Variants in RASGRP3 observed in about 807,000 individuals in gnomAD.
RASGRP3 encodes the protein ras guanyl-releasing protein 3.
Under a neutral mutation model 82.7 loss-of-function variants are expected in RASGRP3, and 54 were observed. The observed-to-expected ratio is 0.65, with a 90% confidence interval of 0.52 to 0.82. The LOEUF (loss-of-function observed/expected upper bound fraction) is 0.82. Among genes scored for constraint, RASGRP3 ranks in the 40% least tolerant of loss-of-function variants. The pLI is 0.00. For missense variants in RASGRP3, 861 were observed against 828.9 expected (o/e 1.04, Z -0.48); for synonymous variants, 309 against 300.5 (o/e 1.03, Z -0.29).
intron 2 of RASGRP3, among the ~76,000 whole-genome samples, chr2:33,449,619 G>C (rs189136299): frequency 1.3e-3 from 202 of 152,178 alleles, no homozygotes; most frequent in Non-Finnish European, 2.5e-3. Flanking sequence ...AATTAGCTGG[G>C]CATGGTAGTG....
chr2:33,548,762 A>G (rs112899281), intron 13 of RASGRP3, among the ~76,000 whole-genome samples: 16,681 of 152,052 alleles, frequency 0.11, 944 homozygotes, highest in Admixed American at 0.14. Flanking sequence ...GCTGGAGTGC[A>G]GTGGTGTGAT....
chr2:33,558,449 C>A (rs1224783640), intron 16 of RASGRP3, 113 bp downstream of exon 16: 24 of 1,502,292 alleles, frequency 1.6e-5, no homozygotes, highest in Non-Finnish European at 2.2e-5. Context: ...AACGCTAAGG[C>A]CTTCTTTAGG....
At position 33,549,607 on chromosome 2, in the gene RASGRP3, T is replaced by C. The variant is rs375650727; in HGVS notation, c.1398T>C (p.Asp466=). Residue 466 remains aspartate, a synonymous_variant, in exon 14 of 18, where the codon GAT becomes GAC. Coordinates refer to ENST00000403687, the MANE Select transcript of RASGRP3 (RefSeq NM_001139488.2). The stretch of plus-strand genomic sequence containing the variant: ...CCTTCTTTGATTCTCTTAACAGGGA[T>C]GGCCTAATTAGTAAAGATGAAATGA... ...DSFCVLDKDQ[D]GLISKDEMMA... 2.0e-4 allele frequency: 321 copies of C among 1,611,934 alleles called. No individual in the cohort carries two copies. The highest frequency in any genetic ancestry group is 2.6e-4 in the Non-Finnish European group (309 of 1,178,872).
At chr2:33,537,332 A>AC (rs1558501748) in intron 11 of RASGRP3, among the ~76,000 whole-genome samples, 1 of 70,718 alleles carries the variant, frequency 1.4e-5, no homozygotes, top group Admixed American at 1.8e-4. Context: ...CGCCCCCCCC[A>AC]CACACACACA....
intron 1 of RASGRP3, among the ~76,000 whole-genome samples, chr2:33,445,698 AATAC>A (rs1373171897): frequency 6.6e-6 from 1 of 151,934 alleles, no homozygotes; most frequent in Non-Finnish European, 1.5e-5. Flanking sequence ...TTTCTACATT[AATAC>A]ATTATATCAT....
At chr2:33,526,394 G>T (rs2151034264) in intron 9 of RASGRP3, among the ~76,000 whole-genome samples, 1 of 152,318 alleles carries the variant, frequency 6.6e-6, no homozygotes, top group African/African-American at 2.4e-5. Context: ...AGCCACAGAA[G>T]TACCGTTGTT....
intron 2 of RASGRP3, among the ~76,000 whole-genome samples, chr2:33,458,398 G>T (rs948376674): frequency 2.0e-5 from 3 of 152,132 alleles, no homozygotes; most frequent in African/African-American, 7.2e-5. Flanking sequence ...GTTTTAGAGC[G>T]TGTTGGCTGG....
intron 4 of RASGRP3, among the ~76,000 whole-genome samples, chr2:33,518,623 T>C: frequency 6.6e-6 from 1 of 152,254 alleles, no homozygotes. Context: ...TTTTGTAATA[T>C]ACACCTTAAA....
chr2:33,445,175 A>G (rs569175876), intron 1 of RASGRP3, among the ~76,000 whole-genome samples: 4 of 152,344 alleles, frequency 2.6e-5, no homozygotes, highest in African/African-American at 7.2e-5. Flanking sequence ...TGATAAAGAT[A>G]GCTTCTGTGT....
intron 2 of RASGRP3, among the ~76,000 whole-genome samples, chr2:33,457,225 A>T (rs1271815595): frequency 6.6e-6 from 1 of 152,070 alleles, no homozygotes; most frequent in Non-Finnish European, 1.5e-5. Flanking sequence ...ATTGTTTTAA[A>T]TTTTTAATTA....
chr2:33,454,545 A>G (rs929710992), intron 2 of RASGRP3, among the ~76,000 whole-genome samples: 11 of 152,222 alleles, frequency 7.2e-5, no homozygotes, highest in Admixed American at 3.9e-4. Context: ...CCAGCTGAAG[A>G]CGGGCTTAAC....
chr2:33,486,630 GAA>G (rs918151419), intron 1 of RASGRP3, among the ~76,000 whole-genome samples: 1 of 152,176 alleles, frequency 6.6e-6, no homozygotes, highest in African/African-American at 2.4e-5. Context: ...CTGTAAAAGA[GAA>G]TGTTTCCAAA....
At chr2:33,557,697 G>C (rs1203288856) in intron 15 of RASGRP3, among the ~76,000 whole-genome samples, 3 of 149,270 alleles carry the variant, frequency 2.0e-5, no homozygotes, top group African/African-American at 7.5e-5. Flanking sequence ...GCAATAGAGC[G>C]AGACTCCATC....
chr2:33,482,551 G>C (rs1465198491), intron 1 of RASGRP3: 1 of 152,210 alleles, frequency 6.6e-6, no homozygotes, highest in Non-Finnish European at 1.5e-5. Flanking sequence ...CTTTATTCCT[G>C]TGGAGGTATA....
In RASGRP3 at chr2:33,476,760, T is replaced by TGC. The variant is rs199779126; in HGVS notation, c.-261+54_-261+55insCG. 362 of 115,452 alleles carry TGC rather than the reference T, an allele frequency of 3.1e-3. 1 individual carries two copies. Among genetic ancestry groups the TGC allele is most frequent in the South Asian group, 4.9e-3 (18 of 3,696 alleles). 7.2% of individuals were successfully genotyped at this position (115,452 alleles called of 1,614,324 possible). A position where few individuals can be genotyped will look rare whatever the true frequency, so the allele number is the denominator to read the frequency against. On this transcript the variant is annotated intron_variant, in intron 1 of 17. Coordinates refer to ENST00000403687, the MANE Select transcript of RASGRP3 (RefSeq NM_001139488.2). ...CTCTCTCTCTTTCATTCCCTCTCCG[T>TGC]GTGTGTGTGTGTGTGTGTGTGTGTG...
intron 1 of RASGRP3, among the ~76,000 whole-genome samples, chr2:33,491,876 A>G (rs1262828332): frequency 6.6e-6 from 1 of 152,228 alleles, no homozygotes; most frequent in Non-Finnish European, 1.5e-5. Flanking sequence ...GCTAGGGCAC[A>G]ATGGACTTTC....
rs565666679 is a variant in RASGRP3 at position 33,544,993 on chromosome 2, C to T, written c.1394+1366C>T. Among the ~76,000 whole-genome samples the T allele has an allele frequency of 2.0e-5, 3 of 152,236 alleles. No homozygotes were observed. In the East Asian group the frequency reaches 5.8e-4, roughly 29 times the overall value. On this transcript the variant is annotated intron_variant, in intron 13 of 17. Transcript: ENST00000403687. Reference sequence around the variant, plus strand: ...AAATTTAATTAGAAACATTAACTTCCTTTACAAAGTAAAATTTAAATTGCC... The same window carrying T: ...AAATTTAATTAGAAACATTAACTTCTTTTACAAAGTAAAATTTAAATTGCC...
At chr2:33,534,135 T>C in intron 10 of RASGRP3, 188 bp from the exon 11 acceptor site, 1 of 587,844 alleles carries the variant, frequency 1.7e-6, no homozygotes. Flanking sequence ...TACTGATGAT[T>C]AACCAGGATT....
intron 1 of RASGRP3, among the ~76,000 whole-genome samples, chr2:33,501,693 G>A (rs1001603548): frequency 2.6e-5 from 4 of 152,154 alleles, no homozygotes; most frequent in African/African-American, 9.7e-5. Flanking sequence ...AGTCATCAAC[G>A]TAGAGGTGGT....
Sources: allele counts gnomAD v4.1 joint callset (sites outside exome capture counted in the v4.1 genomes callset), GRCh38; gene constraint gnomAD v4.1.1; transcripts MANE v1.5; gene names NCBI Gene and HGNC (gene_info 2026-07-23, HGNC 2026-07-21).